The following AP1G1 variants were observed in gnomAD, a reference collection of about 807,000 sequenced individuals.
The protein encoded by AP1G1 is AP-1 complex subunit gamma-1.
A neutral mutation model predicts 108.3 loss-of-function variants in AP1G1; 7 were observed. The ratio of observed to expected loss-of-function variants is 0.06; its 90% CI spans 0.04 to 0.12. AP1G1 has a LOEUF of 0.12. AP1G1 is among the 10% of genes least tolerant of loss of function. The pLI, the probability that AP1G1 is intolerant of heterozygous loss-of-function variation, is 1.00. For missense variants in AP1G1, 756 were observed against 1,010.7 expected (o/e 0.75, Z 3.42); for synonymous variants, 379 against 353.5 (o/e 1.07, Z -0.81).
At chr16:71,745,376 C>T in intron 18 of AP1G1, 97 bp downstream of exon 18, 1 of 1,601,772 alleles carries the variant, frequency 6.2e-7, no homozygotes, top group Non-Finnish European at 8.5e-7. Flanking sequence ...AATCATCAAC[C>T]AACCCAGGAA....
chr16:71,768,191 TTA>T (rs1491298860), intron 6 of AP1G1, among the ~76,000 whole-genome samples: 7 of 73,482 alleles, frequency 9.5e-5, no homozygotes, highest in African/African-American at 2.6e-4. Flanking sequence ...AAATACTAGT[TTA>T]AAAAAAAAAA....
At chr16:71,778,352 G>C (rs143904134) in intron 2 of AP1G1, among the ~76,000 whole-genome samples, 5 of 152,294 alleles carry the variant, frequency 3.3e-5, no homozygotes, top group Admixed American at 6.5e-5. Flanking sequence ...TAAGTGGCCA[G>C]CCATAGTGCT....
At position 71,774,604 on chromosome 16, in the gene AP1G1, G is replaced by GAA. The variant is rs535416353; in HGVS notation, c.202-14_202-13dup. 80 of 1,152,320 alleles carry GAA rather than the reference G, an allele frequency of 6.9e-5. No individual in the cohort carries two copies. Among genetic ancestry groups the GAA allele is most frequent in the Admixed American group, 3.0e-4 (10 of 33,542 alleles). The allele number at this position is 1,152,320 out of a possible 1,614,324, so 71.4% of individuals were successfully genotyped here. The stretch of plus-strand genomic sequence containing the variant: ...TTGAGGCACTCCAACTGCAAAAAAA[G>GAA]AAAAAAAAAAAGAAGGAAATTAAAA... On this transcript the variant is annotated splice_polypyrimidine_tract_variant and intron_variant, in intron 2 of 22. Transcript: ENST00000299980.
chr16:71,781,626 T>C (rs533387338), intron 2 of AP1G1, among the ~76,000 whole-genome samples: 2 of 152,304 alleles, frequency 1.3e-5, no homozygotes, highest in African/African-American at 4.8e-5. Context: ...CCCGCTCTTT[T>C]CACTCAACAG....
intron 13 of AP1G1, among the ~76,000 whole-genome samples, chr16:71,752,119 C>A (rs901462258): frequency 6.6e-6 from 1 of 151,926 alleles, no homozygotes; most frequent in Non-Finnish European, 1.5e-5. Context: ...ATGTAACAGG[C>A]TAAAGAAAAC....
intron 6 of AP1G1, chr16:71,767,773 T>G: frequency 8.8e-7 from 1 of 1,139,342 alleles, no homozygotes; most frequent in South Asian, 1.3e-5. Context: ...TAAGCACAGC[T>G]TCAGCATTAG....
At chr16:71,744,336 AT>A (rs982506666) in intron 19 of AP1G1, among the ~76,000 whole-genome samples, 1 of 152,224 alleles carries the variant, frequency 6.6e-6, no homozygotes, top group African/African-American at 2.4e-5. Flanking sequence ...AGAAGAAAAA[AT>A]ATTCCCAAAT....
intron 2 of AP1G1, among the ~76,000 whole-genome samples, chr16:71,775,019 C>CTTTT (rs748508767): frequency 1.7e-4 from 12 of 69,732 alleles, no homozygotes; most frequent in African/African-American, 4.5e-4. Context: ...CCGCGCCTGG[C>CTTTT]TTTTTTTTTT....
Position 71,733,033 on chromosome 16 carries a change from A to G in AP1G1, c.*25T>C. ...CAGAGTTCCTTTGATTGAGTGGGAT[A>G]AAGAATGAGAATGGTGCCAAACCCT... On this transcript the variant is annotated 3_prime_UTR_variant, in exon 23 of 23. Coordinates refer to ENST00000299980, the MANE Select transcript of AP1G1 (RefSeq NM_001128.6). 1 of 1,582,532 alleles carries G rather than the reference A, an allele frequency of 6.3e-7. No homozygotes were observed.
At chr16:71,746,154 C>T (rs2145429471) in intron 17 of AP1G1, among the ~76,000 whole-genome samples, 1 of 152,216 alleles carries the variant, frequency 6.6e-6, no homozygotes, top group South Asian at 2.1e-4. Flanking sequence ...GGAATACAGG[C>T]ATGCGCCACC....
intron 1 of AP1G1, among the ~76,000 whole-genome samples, chr16:71,803,704 C>T (rs2032889956): frequency 2.6e-5 from 4 of 152,160 alleles, no homozygotes; most frequent in Admixed American, 2.6e-4. Context: ...GCTGGTGGAT[C>T]ACTTGAGCCC....
intron 1 of AP1G1, chr16:71,808,459 C>A: frequency 8.2e-7 from 1 of 1,214,444 alleles, no homozygotes; most frequent in Non-Finnish European, 1.1e-6. Flanking sequence ...AATGAGCCCT[C>A]AAAGATCGCA....
At chr16:71,767,606 C>T (rs1252939793) in intron 6 of AP1G1, among the ~76,000 whole-genome samples, 1 of 151,984 alleles carries the variant, frequency 6.6e-6, no homozygotes, top group Non-Finnish European at 1.5e-5. Flanking sequence ...CAAAGTTTCT[C>T]AAGTAAAGAT....
chr16:71,740,233 T>C (rs2045602027), intron 19 of AP1G1, among the ~76,000 whole-genome samples: 2 of 152,316 alleles, frequency 1.3e-5, no homozygotes, highest in African/African-American at 2.4e-5. Context: ...TTCTTTGTTG[T>C]AGGGGGCTGC....
At chr16:71,769,826 A>T (rs1462037904) in intron 5 of AP1G1, 127 bp from the exon 6 acceptor site, 1 of 662,032 alleles carries the variant, frequency 1.5e-6, no homozygotes, top group African/African-American at 1.8e-5. Flanking sequence ...AATCCCCCAA[A>T]GCATCTAAGC....
rs76632112 is a variant in AP1G1, at chr16:71,756,454, G to T, written c.1089-295C>A. The T allele has an allele frequency of 8.7e-3, 2,219 of 253,848 alleles. 18 individuals are homozygous for T. The highest frequency in any genetic ancestry group is 0.012 in the Non-Finnish European group (1,649 of 135,540). 15.7% of individuals were successfully genotyped at this position (253,848 alleles called of 1,614,324 possible). ...TTCAACAGGCTGTTCTACAAAGGTG[G>T]AAGTTAGAATACCTGAGAGTCTCAA... On this transcript the variant is annotated intron_variant, in intron 11 of 22. Coordinates refer to ENST00000299980, the MANE Select transcript of AP1G1 (RefSeq NM_001128.6).
intron 1 of AP1G1, among the ~76,000 whole-genome samples, chr16:71,791,706 G>A (rs2032406751): frequency 6.7e-6 from 1 of 149,072 alleles, no homozygotes; most frequent in African/African-American, 2.4e-5. Flanking sequence ...GTGTGTAATG[G>A]GTATATTAAG....
chr16:71,757,544 G>A (rs972772340), intron 11 of AP1G1, among the ~76,000 whole-genome samples: 1 of 151,956 alleles, frequency 6.6e-6, no homozygotes, highest in African/African-American at 2.4e-5. Context: ...ACTTTTATAG[G>A]GTGCTTATGT....
At chr16:71,744,880 A>G (rs1269772806) in intron 19 of AP1G1, among the ~76,000 whole-genome samples, 1 of 152,158 alleles carries the variant, frequency 6.6e-6, no homozygotes, top group East Asian at 1.9e-4. Flanking sequence ...CCAGCCAGGA[A>G]AAGTAGTTTC....
Sources: gnomAD v4.1 joint callset for allele counts (sites outside exome capture counted in the v4.1 genomes callset) on GRCh38, gnomAD v4.1.1 for gene constraint, MANE v1.5 for transcripts, NCBI Gene and HGNC (gene_info 2026-07-23, HGNC 2026-07-21) for gene names.